ZCWPW2: variants seen among roughly 807,000 people sequenced by gnomAD.
ZCWPW2 encodes zinc finger CW-type PWWP domain protein 2.
ZCWPW2 carries 45 observed loss-of-function variants against 46.6 expected under a neutral mutation model. The observed-to-expected ratio is 0.96, with a 90% CI of 0.76 to 1.24. The LOEUF (loss-of-function observed/expected upper bound fraction) is 1.24, where lower values mean the gene tolerates loss of function less well. Among genes scored for constraint, ZCWPW2 ranks in the 50% most tolerant of loss-of-function variants. ZCWPW2 has a pLI of 0.00. For missense variants in ZCWPW2, 429 were observed against 403.9 expected (o/e 1.06, Z -0.53); for synonymous variants, 152 against 137.1 (o/e 1.11, Z -0.76).
intron 1 of ZCWPW2, among the ~76,000 whole-genome samples, chr3:28,381,026 TA>T: frequency 9.3e-5 from 1 of 10,750 alleles, no homozygotes; most frequent in African/African-American, 4.5e-4. Context: ...ATATATTTGG[TA>T]TATATATATA....
At chr3:28,385,950 A>G (rs565569809) in intron 1 of ZCWPW2, among the ~76,000 whole-genome samples, 72 of 151,232 alleles carry the variant, frequency 4.8e-4, no homozygotes, top group African/African-American at 1.5e-3. Context: ...TTTTGAGTTA[A>G]ATATATACAT....
chr3:28,479,415 A>C (rs1354504862), intron 5 of ZCWPW2, among the ~76,000 whole-genome samples: 1 of 152,202 alleles, frequency 6.6e-6, no homozygotes, highest in African/African-American at 2.4e-5. Flanking sequence ...TTGTGATAAT[A>C]TTTTAGGTTA....
intron 2 of ZCWPW2, among the ~76,000 whole-genome samples, chr3:28,409,122 C>CTTTTTTTTTTTTTTTTT (rs11328735): frequency 6.1e-5 from 5 of 82,324 alleles, no homozygotes; most frequent in Admixed American, 1.5e-4. Context: ...TTTTCTTTTT[C>CTTTTTTTTTTTTTTTTT]TTTTTTTTTT....
intron 6 of ZCWPW2, among the ~76,000 whole-genome samples, chr3:28,495,770 C>T (rs1389724374): frequency 6.6e-6 from 1 of 151,794 alleles, no homozygotes; most frequent in Admixed American, 6.6e-5. Context: ...TGATCCTTTA[C>T]CACAGATAGT....
intron 6 of ZCWPW2, among the ~76,000 whole-genome samples, chr3:28,506,416 T>A (rs1700280474): frequency 6.6e-6 from 1 of 152,068 alleles, no homozygotes; most frequent in African/African-American, 2.4e-5. Flanking sequence ...TTCTGGCCGT[T>A]ACTCTGAATA....
At chr3:28,400,847 T>C (rs1319391639) in intron 2 of ZCWPW2, among the ~76,000 whole-genome samples, 1 of 152,116 alleles carries the variant, frequency 6.6e-6, no homozygotes, top group African/African-American at 2.4e-5. Flanking sequence ...CTTTAAAGCA[T>C]AAATTTCACA....
chr3:28,398,264 T>C (rs928647607), intron 2 of ZCWPW2: 9 of 152,200 alleles, frequency 5.9e-5, no homozygotes. Flanking sequence ...CTATTTCTTA[T>C]TGTAAGGACA....
chr3:28,516,514 C>G (rs886225041), intron 8 of ZCWPW2, among the ~76,000 whole-genome samples: 1 of 152,062 alleles, frequency 6.6e-6, no homozygotes, highest in African/African-American at 2.4e-5. Flanking sequence ...AAGGCAATTT[C>G]CTCCTTCTAC....
intron 6 of ZCWPW2, among the ~76,000 whole-genome samples, chr3:28,495,867 C>A (rs1699976867): frequency 6.6e-6 from 1 of 151,888 alleles, no homozygotes; most frequent in East Asian, 1.9e-4. Context: ...AGGTGTTTTA[C>A]TAGGCAAGGA....
intron 4 of ZCWPW2, among the ~76,000 whole-genome samples, chr3:28,470,342 C>G (rs981805215): frequency 1.9e-4 from 29 of 151,812 alleles, no homozygotes; most frequent in South Asian, 1.2e-3. Flanking sequence ...ATGAAAAATA[C>G]AAAAATTAGC....
intron 1 of ZCWPW2, among the ~76,000 whole-genome samples, chr3:28,362,729 G>A (rs1459545713): frequency 6.6e-6 from 1 of 152,070 alleles, no homozygotes; most frequent in African/African-American, 2.4e-5. Context: ...CATACCCGAA[G>A]AAATATAAAT....
rs887183232 is a variant in ZCWPW2, at chr3:28,348,911, G to C, written c.-426G>C. ...GCGCGCGAGACCCAGGCCCGCCGTC[G>C]GGACCAGCACGGGCCGGAGGGAGGG... On this transcript the variant is annotated 5_prime_UTR_variant, in exon 1 of 10. Coordinates refer to ENST00000383768, the MANE Select transcript of ZCWPW2 (RefSeq NM_001040432.4). 61 of 979,776 alleles carry C rather than the reference G, an allele frequency of 6.2e-5. No homozygotes were observed. The highest frequency in any genetic ancestry group is 1.0e-3 in the Middle Eastern group (2 of 1,908). 60.7% of individuals were successfully genotyped at this position (979,776 alleles called of 1,614,324 possible).
chr3:28,373,016 T>G (rs1167452776), intron 1 of ZCWPW2, among the ~76,000 whole-genome samples: 1 of 152,092 alleles, frequency 6.6e-6, no homozygotes, highest in Non-Finnish European at 1.5e-5. Flanking sequence ...TCTATATCTA[T>G]CTATCTACAC....
chr3:28,491,771 A>T (rs1028490751), intron 5 of ZCWPW2, among the ~76,000 whole-genome samples: 1 of 152,080 alleles, frequency 6.6e-6, no homozygotes, highest in African/African-American at 2.4e-5. Flanking sequence ...AGATATGAAA[A>T]TGGAGGCAGC....
intron 9 of ZCWPW2, 77 bp from the exon 10 acceptor site, chr3:28,524,450 G>C (rs1326357377): frequency 1.3e-6 from 2 of 1,492,058 alleles, no homozygotes; most frequent in African/African-American, 2.8e-5. Flanking sequence ...GTGGCTTGCA[G>C]AATTACTACT....
chr3:28,349,628 G>A (rs560539127), intron 1 of ZCWPW2, among the ~76,000 whole-genome samples: 10 of 152,300 alleles, frequency 6.6e-5, no homozygotes, highest in African/African-American at 2.4e-4. Flanking sequence ...ATGATAGACC[G>A]TCCCTAGCTG....
At chr3:28,512,967 A>G (rs1328430580) in intron 6 of ZCWPW2, among the ~76,000 whole-genome samples, 1 of 152,164 alleles carries the variant, frequency 6.6e-6, no homozygotes, top group Non-Finnish European at 1.5e-5. Flanking sequence ...AATTAGATGA[A>G]TTTTTATAAA....
At chr3:28,400,664 C>T (rs995928851) in intron 2 of ZCWPW2, among the ~76,000 whole-genome samples, 1 of 152,130 alleles carries the variant, frequency 6.6e-6, no homozygotes, top group East Asian at 1.9e-4. Flanking sequence ...GAATTATCAG[C>T]CAAGAATTTT....
chr3:28,363,252 A>G (rs1041549445), intron 1 of ZCWPW2, among the ~76,000 whole-genome samples: 2 of 152,192 alleles, frequency 1.3e-5, no homozygotes, highest in African/African-American at 4.8e-5. Flanking sequence ...AATAACTGAT[A>G]TCCAGAATAT....
Sources: gnomAD v4.1 joint callset for allele counts (sites outside exome capture counted in the v4.1 genomes callset) on GRCh38, gnomAD v4.1.1 for gene constraint, MANE v1.5 for transcripts, NCBI Gene and HGNC (gene_info 2026-07-23, HGNC 2026-07-21) for gene names.